ZFHX3: variants seen among roughly 807,000 people sequenced by gnomAD.
ZFHX3 encodes zinc finger homeobox protein 3.
In ZFHX3, 42 loss-of-function variants were observed where a neutral mutation model predicts 279.1. That is an observed-to-expected ratio of 0.15 (90% CI 0.12 to 0.19). The LOEUF is 0.19. Among genes scored for constraint, ZFHX3 ranks in the 10% least tolerant of loss-of-function variants. The probability of loss-of-function intolerance (pLI) is 1.00; values close to 1 mark genes in which losing one functional copy is unlikely to be tolerated. For synonymous variants in ZFHX3, 2,293 were observed against 1,957.8 expected, an observed-to-expected ratio of 1.17 and a Z score of -4.52; for missense variants, 4,981 against 4,754.0, an observed-to-expected ratio of 1.05 and a Z score of -1.40.
chr16:73,871,465 T>C (rs1385990427), intron 1 of ZFHX3, among the ~76,000 whole-genome samples: 3 of 151,978 alleles, frequency 2.0e-5, no homozygotes, highest in Admixed American at 2.0e-4. Flanking sequence ...AGTTCAAATT[T>C]TGCTCCCTGG....
rs146681095 is a variant in ZFHX3, at chr16:73,120,251, A to G, written c.-897+10717T>C. Among the ~76,000 whole-genome samples, 897 of 151,488 alleles carry G rather than the reference A, an allele frequency of 5.9e-3. 3 individuals carry two copies. The highest frequency in any genetic ancestry group is 0.011 in the Non-Finnish European group (719 of 67,868). On this transcript the variant is annotated intron_variant, in intron 7 of 17. Coordinates refer to the ZFHX3 transcript ENST00000641206. ...TGTTTAGAGTTCCACATTCCATACT[A>G]TTTTTGTTGTTGTTGTTATTGTTGT...
intron 4 of ZFHX3, among the ~76,000 whole-genome samples, chr16:72,843,423 A>G (rs1403303260): frequency 6.7e-6 from 1 of 150,180 alleles, no homozygotes; most frequent in Admixed American, 6.6e-5. Context: ...AGGCAGGAGA[A>G]TGGCGTGAAC....
intron 5 of ZFHX3, among the ~76,000 whole-genome samples, chr16:73,176,790 A>G (rs1469055775): frequency 2.0e-5 from 3 of 152,084 alleles, no homozygotes; most frequent in Admixed American, 6.6e-5. Context: ...GTGCTGGTCC[A>G]GCCCTATCCT....
intron 5 of ZFHX3, among the ~76,000 whole-genome samples, chr16:73,176,634 C>G (rs1235786069): frequency 3.4e-5 from 5 of 147,782 alleles, no homozygotes; most frequent in Non-Finnish European, 7.4e-5. Flanking sequence ...TTCCTTAAAC[C>G]TCCATGCACT....
chr16:73,245,624 T>C (rs186019860), intron 5 of ZFHX3, among the ~76,000 whole-genome samples: 51 of 152,340 alleles, frequency 3.3e-4, no homozygotes, highest in Non-Finnish European at 6.6e-4. Context: ...TCCAAAGACG[T>C]AGGGCTCCTT....
chr16:73,705,685 T>A (rs983399834), intron 1 of ZFHX3, among the ~76,000 whole-genome samples: 1 of 152,150 alleles, frequency 6.6e-6, no homozygotes. Context: ...TGCTTTAACA[T>A]TGAGTGTGAT....
chr16:73,170,145 A>G (rs1967484602), intron 5 of ZFHX3, among the ~76,000 whole-genome samples: 1 of 151,556 alleles, frequency 6.6e-6, no homozygotes, highest in Admixed American at 6.6e-5. Flanking sequence ...GCTAACTGCG[A>G]AAGTGCAGAC....
At chr16:73,878,894 T>C (rs1424758426) in intron 1 of ZFHX3, among the ~76,000 whole-genome samples, 2 of 151,062 alleles carry the variant, frequency 1.3e-5, no homozygotes, top group South Asian at 2.1e-4. Flanking sequence ...TAGATGTAAC[T>C]GGAAAGACAT....
intron 1 of ZFHX3, among the ~76,000 whole-genome samples, chr16:72,968,901 T>C (rs1961974061): frequency 6.6e-6 from 1 of 152,144 alleles, no homozygotes; most frequent in Non-Finnish European, 1.5e-5. Flanking sequence ...TATGTGAGTG[T>C]GTAAGTGTGT....
intron 7 of ZFHX3, 76 bp downstream of exon 7, chr16:72,811,501 C>T: frequency 7.3e-7 from 1 of 1,362,082 alleles, no homozygotes; most frequent in Admixed American, 2.6e-5. Flanking sequence ...TCCAATAATA[C>T]AGTATCTTGC....
At chr16:73,041,111 C>A (rs1346021488) in intron 1 of ZFHX3, among the ~76,000 whole-genome samples, 1 of 152,224 alleles carries the variant, frequency 6.6e-6, no homozygotes, top group Non-Finnish European at 1.5e-5. Flanking sequence ...GTGCTCTGGT[C>A]CTCAGCCAGA....
Position 73,142,267 on chromosome 16 carries a change from G to A in ZFHX3, c.-1024+1485C>T, listed in dbSNP as rs575350688. ...TGCTCTCCTGGGCAGGTTGCCTTAC[G>A]TCATAAGTCCTTGTTAAAGGTCAGG... On this transcript the variant is annotated intron_variant, in intron 6 of 17. Transcript: ENST00000641206. 6.5e-4 allele frequency among the ~76,000 whole-genome samples: 99 copies of A among 152,256 alleles called. 2 individuals carry two copies. In the South Asian group the frequency reaches 1.0e-2, roughly 15 times the overall value.
intron 3 of ZFHX3, among the ~76,000 whole-genome samples, chr16:72,895,324 A>T (rs1167236513): frequency 6.6e-6 from 1 of 152,196 alleles, no homozygotes; most frequent in Admixed American, 6.5e-5. Flanking sequence ...CCTCCTAGCT[A>T]ACTCAAGAAA....
At chr16:73,685,071 G>C (rs1324934521) in intron 1 of ZFHX3, among the ~76,000 whole-genome samples, 1 of 150,040 alleles carries the variant, frequency 6.7e-6, no homozygotes, top group African/African-American at 2.5e-5. Flanking sequence ...CTGGAGTCCA[G>C]TGGCCCAACC....
chr16:73,572,182 A>AC (rs893693885), intron 2 of ZFHX3, among the ~76,000 whole-genome samples: 27 of 151,736 alleles, frequency 1.8e-4, no homozygotes, highest in South Asian at 4.2e-4. Context: ...AAAAAAAAAA[A>AC]AAAACTTTTT....
At chr16:73,415,222 A>G (rs986444411) in intron 3 of ZFHX3, among the ~76,000 whole-genome samples, 13 of 152,248 alleles carry the variant, frequency 8.5e-5, no homozygotes, top group Non-Finnish European at 1.5e-4. Flanking sequence ...TAAAATATCA[A>G]TACGAAGTGG....
chr16:73,373,272 CTA>C (rs1290681225), intron 3 of ZFHX3, among the ~76,000 whole-genome samples: 1 of 152,114 alleles, frequency 6.6e-6, no homozygotes, highest in Non-Finnish European at 1.5e-5. Context: ...CCGAATTGTG[CTA>C]TGTTTCATGA....
At chr16:73,754,833 G>GTC (rs1346039871) in intron 1 of ZFHX3, among the ~76,000 whole-genome samples, 1 of 152,078 alleles carries the variant, frequency 6.6e-6, no homozygotes, top group African/African-American at 2.4e-5. Context: ...TTCACTCAGG[G>GTC]TCTTTCTGCC....
Position 72,787,539 on chromosome 16 carries a change from G to A in ZFHX3, c.10737C>T (p.Pro3579=), listed in dbSNP as rs1044384173. 8 of 1,613,910 alleles carry A rather than the reference G, an allele frequency of 5.0e-6. No homozygotes were observed. Among genetic ancestry groups the A allele is most frequent in the African/African-American group, 4.0e-5 (3 of 74,888 alleles). ...PSLLPHSACF[P]DPSTASTSQS... ...GCGAGGTAGATGCGGTGCTAGGATC[G>A]GGGAAGCAGGCAGAGTGAGGTAATA... The change falls in exon 10 of 10, where the codon CCC becomes CCT. Residue 3579 remains proline (P), a synonymous_variant. Coordinates refer to ENST00000268489, the MANE Select transcript of ZFHX3 (RefSeq NM_006885.4).
Sources: allele counts gnomAD v4.1 joint callset (sites outside exome capture counted in the v4.1 genomes callset), GRCh38; gene constraint gnomAD v4.1.1; transcripts MANE v1.5; gene names NCBI Gene and HGNC (gene_info 2026-07-23, HGNC 2026-07-21).